Variants in SHANK2 observed in about 807,000 individuals in gnomAD.
SHANK2 encodes SH3 and multiple ankyrin repeat domains 2.
A neutral mutation model predicts 133.7 loss-of-function variants in SHANK2; 43 were observed. The ratio of observed to expected loss-of-function variants is 0.32; its 90% CI spans 0.25 to 0.41. SHANK2 has a LOEUF of 0.41. Ranked by LOEUF, SHANK2 falls within the 10% of genes least tolerant of loss-of-function variation. The pLI is 1.00. For synonymous variants in SHANK2, 1,017 were observed against 952.8 expected (o/e 1.07, Z -1.24); for missense variants, 1,994 against 2,235.8 (o/e 0.89, Z 2.18).
At chr11:71,211,731 A>G (rs1401612633) in intron 2 of SHANK2, among the ~76,000 whole-genome samples, 3 of 151,810 alleles carry the variant, frequency 2.0e-5, no homozygotes, top group African/African-American at 4.8e-5. Context: ...CCCAACCACT[A>G]ATTATTTTCT....
intron 17 of SHANK2, among the ~76,000 whole-genome samples, chr11:70,544,663 G>A (rs782306654): frequency 1.6e-4 from 25 of 152,232 alleles, no homozygotes; most frequent in African/African-American, 6.0e-4. Context: ...GACCAGGAGC[G>A]GGGTGGCCAC....
intron 8 of SHANK2, among the ~76,000 whole-genome samples, chr11:71,086,470 T>C (rs1315152897): frequency 7.3e-6 from 1 of 137,172 alleles, no homozygotes; most frequent in South Asian, 2.1e-4. Context: ...AATTATGTAA[T>C]ATATAATTTG....
intron 14 of SHANK2, among the ~76,000 whole-genome samples, chr11:70,704,880 T>C (rs947255519): frequency 8.5e-5 from 13 of 152,212 alleles, no homozygotes; most frequent in South Asian, 4.1e-4. Flanking sequence ...TCTCCTGTGG[T>C]TGAGTAGGCC....
At chr11:71,066,080 G>A (rs1255995583) in intron 9 of SHANK2, among the ~76,000 whole-genome samples, 182 of 145,106 alleles carry the variant, frequency 1.3e-3, no homozygotes, top group African/African-American at 4.5e-3. Context: ...GCAGTGAGTG[G>A]GGAAGTTGGT....
intron 17 of SHANK2, among the ~76,000 whole-genome samples, chr11:70,546,400 C>T (rs1387441385): frequency 6.6e-6 from 1 of 152,126 alleles, no homozygotes; most frequent in East Asian, 1.9e-4. Context: ...TATCTAGCCT[C>T]CGCCTCCCCT....
At chr11:71,200,831 TAC>T (rs56749664) in intron 2 of SHANK2, among the ~76,000 whole-genome samples, 11,301 of 144,790 alleles carry the variant, frequency 0.078, 661 homozygotes, top group East Asian at 0.19. Flanking sequence ...TCTCAATTAA[TAC>T]ACACACACAC....
chr11:70,631,169 G>GA (rs1565195309), intron 17 of SHANK2: 1 of 152,314 alleles, frequency 6.6e-6, no homozygotes, highest in Admixed American at 6.5e-5. Context: ...CCACCAAGGG[G>GA]AAGAGGCGGG....
intron 10 of SHANK2, among the ~76,000 whole-genome samples, chr11:70,924,790 T>A (rs1358368326): frequency 6.6e-6 from 1 of 152,326 alleles, no homozygotes; most frequent in Admixed American, 6.5e-5. Context: ...TTTTACACTT[T>A]TATTATCTCA....
At chr11:70,906,974 A>G (rs1162121759) in intron 10 of SHANK2, among the ~76,000 whole-genome samples, 1 of 152,132 alleles carries the variant, frequency 6.6e-6, no homozygotes, top group Non-Finnish European at 1.5e-5. Flanking sequence ...TTGCAAATCG[A>G]TGTGTATTAC....
chr11:70,644,214 G>A (rs2061228686), intron 17 of SHANK2, among the ~76,000 whole-genome samples: 1 of 152,214 alleles, frequency 6.6e-6, no homozygotes, highest in African/African-American at 2.4e-5. Context: ...ACAGTGGCCA[G>A]TTCATGGCAT....
chr11:71,142,503 T>C (rs1952574949), intron 3 of SHANK2, among the ~76,000 whole-genome samples: 1 of 149,462 alleles, frequency 6.7e-6, no homozygotes, highest in Non-Finnish European at 1.5e-5. Context: ...TCTCTTTCAA[T>C]AAAAACAAAC....
intron 25 of SHANK2, among the ~76,000 whole-genome samples, chr11:70,477,095 G>A (rs547953276): frequency 3.9e-5 from 6 of 152,334 alleles, no homozygotes; most frequent in East Asian, 3.9e-4. Flanking sequence ...GGTGGGCAGC[G>A]GGAGCGCGAG....
chr11:70,873,673 T>G (rs1555070649), intron 11 of SHANK2, among the ~76,000 whole-genome samples: 1 of 151,884 alleles, frequency 6.6e-6, no homozygotes, highest in African/African-American at 2.4e-5. Context: ...TAATCCACCC[T>G]GCTCACTCTG....
chr11:71,221,058 G>A (rs1056274548), intron 2 of SHANK2, among the ~76,000 whole-genome samples: 1 of 151,834 alleles, frequency 6.6e-6, no homozygotes, highest in African/African-American at 2.4e-5. Flanking sequence ...AAAATTAGCC[G>A]GGCTTGGTGG....
At chr11:71,114,623 A>C (rs1555099980) in intron 4 of SHANK2, among the ~76,000 whole-genome samples, 1 of 152,218 alleles carries the variant, frequency 6.6e-6, no homozygotes, top group East Asian at 1.9e-4. Context: ...TGCGCTGGTC[A>C]GAAGGGCATC....
In SHANK2 at chr11:70,574,709, G is replaced by A. The variant is rs529121004; in HGVS notation, c.2062-71778C>T. On this transcript the variant is annotated intron_variant, in intron 17 of 25. Transcript: ENST00000601538. Reference sequence around the variant, plus strand: ...GATGGGATCCACCCTGTGCACTGGGGACCAGGCCGTTCTGCAGCATGGAGC... The same window carrying A: ...GATGGGATCCACCCTGTGCACTGGGAACCAGGCCGTTCTGCAGCATGGAGC... 2.6e-5 allele frequency among the ~76,000 whole-genome samples: 4 copies of A among 152,252 alleles called. No individual in the cohort carries two copies. The South Asian group carries it at 6.2e-4, about 24-fold the overall frequency.
chr11:71,076,506 AAAAC>A (rs1434828092), intron 8 of SHANK2, among the ~76,000 whole-genome samples: 21 of 147,690 alleles, frequency 1.4e-4, no homozygotes, highest in South Asian at 4.2e-4. Context: ...AAACAAAAAA[AAAAC>A]AAACAAAAAC....
intron 15 of SHANK2, among the ~76,000 whole-genome samples, chr11:70,667,528 G>A (rs1555015069): frequency 6.6e-6 from 1 of 152,178 alleles, no homozygotes; most frequent in African/African-American, 2.4e-5. Context: ...ACACCCTGTG[G>A]CTTTTAGCAG....
chr11:70,900,410 G>A (rs1412916785), intron 10 of SHANK2, among the ~76,000 whole-genome samples: 1 of 151,870 alleles, frequency 6.6e-6, no homozygotes. Context: ...TTCAAACACT[G>A]CAGACTGCTC....
Sources: gnomAD v4.1 joint callset for allele counts (sites outside exome capture counted in the v4.1 genomes callset) on GRCh38, gnomAD v4.1.1 for gene constraint, MANE v1.5 for transcripts, NCBI Gene and HGNC (gene_info 2026-07-23, HGNC 2026-07-21) for gene names.